RPGRIP1: variants seen among roughly 807,000 people sequenced by gnomAD.
The protein encoded by RPGRIP1 is RPGR interacting protein 1, also known as X-linked retinitis pigmentosa GTPase regulator-interacting protein 1.
RPGRIP1 carries 128 observed loss-of-function variants against 157.9 expected under a neutral mutation model. The ratio of observed to expected loss-of-function variants is 0.81; its 90% CI spans 0.70 to 0.94. The LOEUF (loss-of-function observed/expected upper bound fraction) is 0.94. Among genes scored for constraint, RPGRIP1 ranks in the 40% least tolerant of loss-of-function variants. The pLI is 0.00. For synonymous variants in RPGRIP1, 554 were observed against 571.6 expected, an observed-to-expected ratio of 0.97 and a Z score of 0.44; for missense variants, 1,486 against 1,545.8, an observed-to-expected ratio of 0.96 and a Z score of 0.65.
chr14:21,311,523 G>A (rs1442812783), intron 8 of RPGRIP1, among the ~76,000 whole-genome samples: 1 of 150,976 alleles, frequency 6.6e-6, no homozygotes, highest in Non-Finnish European at 1.5e-5. Context: ...ACTCCAGCCT[G>A]GGCAACAGAG....
chr14:21,337,893 C>A (rs1203121289), intron 21 of RPGRIP1, among the ~76,000 whole-genome samples: 1 of 151,458 alleles, frequency 6.6e-6, no homozygotes, highest in Non-Finnish European at 1.5e-5. Flanking sequence ...GTAGCTGGGA[C>A]TACAGACACA....
rs776822367 is a variant in RPGRIP1 at position 21,301,042 on chromosome 14, GAGACCGCAAGGCGCGGGC to G, written c.299_316del (p.Thr100_Gln105del). On this transcript the variant is annotated inframe_deletion, in exon 4 of 25. Coordinates refer to ENST00000400017, the MANE Select transcript of RPGRIP1 (RefSeq NM_020366.4). ...CGCGGAGGAGGCGGCGCCGCTCTCG[GAGACCGCAAGGCGCGGGC>G]AGAAGGCGGGATGGCGGCAGCGCCT... 1 of 1,612,660 alleles carries G rather than the reference GAGACCGCAAGGCGCGGGC, an allele frequency of 6.2e-7. No homozygotes were observed. Among genetic ancestry groups the G allele is most frequent in the Middle Eastern group, 1.7e-4 (1 of 6,058 alleles).
intron 11 of RPGRIP1, among the ~76,000 whole-genome samples, chr14:21,318,565 T>C (rs549554341): frequency 6.6e-6 from 1 of 152,200 alleles, no homozygotes. Flanking sequence ...AACCTCTGCC[T>C]CCCAGGTTCA....
At chr14:21,306,714 T>A (rs1445228547) in intron 6 of RPGRIP1, among the ~76,000 whole-genome samples, 1 of 142,490 alleles carries the variant, frequency 7.0e-6, no homozygotes, top group African/African-American at 2.6e-5. Context: ...GCCTCAGCCT[T>A]CCAAAGTGCT....
intron 3 of RPGRIP1, among the ~76,000 whole-genome samples, chr14:21,295,892 T>G (rs930717126): frequency 2.0e-5 from 3 of 151,646 alleles, no homozygotes; most frequent in African/African-American, 4.8e-5. Context: ...TCCCTCAGCC[T>G]CCTGAGTAGC....
intron 1 of RPGRIP1, among the ~76,000 whole-genome samples, chr14:21,285,790 A>C (rs1226850996): frequency 2.0e-5 from 3 of 151,890 alleles, no homozygotes; most frequent in Non-Finnish European, 4.4e-5. Flanking sequence ...CTTTAAGTGT[A>C]ATGAAAAGCC....
At chr14:21,345,432 C>T (rs1885465357) in intron 23 of RPGRIP1, among the ~76,000 whole-genome samples, 2 of 150,910 alleles carry the variant, frequency 1.3e-5, no homozygotes, top group Non-Finnish European at 2.9e-5. Context: ...GACAGGGTCT[C>T]ACTCTGTCGT....
intron 15 of RPGRIP1, 38 bp downstream of exon 15, chr14:21,325,108 A>G (rs140744389): frequency 8.1e-5 from 127 of 1,565,390 alleles, no homozygotes; most frequent in African/African-American, 1.8e-4. Flanking sequence ...CTAAGCACCA[A>G]TGCAGAATTT....
chr14:21,283,518 G>T (rs1880203160), intron 1 of RPGRIP1, among the ~76,000 whole-genome samples: 1 of 152,032 alleles, frequency 6.6e-6, no homozygotes. Context: ...AGCCAGGCTG[G>T]TCTCAAACTC....
Position 21,301,047 on chromosome 14 carries a change from C to T in RPGRIP1, c.300C>T (p.Thr100=). Reference sequence around the variant, plus strand: ...AGGAGGCGGCGCCGCTCTCGGAGACCGCAAGGCGCGGGCAGAAGGCGGGAT... The same window carrying T: ...AGGAGGCGGCGCCGCTCTCGGAGACTGCAAGGCGCGGGCAGAAGGCGGGAT... ...VAEEAAPLSE[T]ARRGQKAGWR... is the part of the protein sequence containing the mutation. Residue 100 remains threonine (T), a synonymous_variant, in exon 4 of 25, where the codon ACC becomes ACT. Transcript: ENST00000400017. 1 of 1,612,654 alleles carries T rather than the reference C, an allele frequency of 6.2e-7. No homozygotes were observed.
At chr14:21,325,147 G>T in intron 15 of RPGRIP1, 77 bp downstream of exon 15, 2 of 1,540,220 alleles carry the variant, frequency 1.3e-6, no homozygotes, top group Middle Eastern at 1.8e-4. Flanking sequence ...TTTTCTGGTG[G>T]TTTCTTATTT....
chr14:21,340,906 C>T (rs796322348), intron 21 of RPGRIP1, among the ~76,000 whole-genome samples: 2 of 151,490 alleles, frequency 1.3e-5, no homozygotes, highest in Admixed American at 6.6e-5. Context: ...TAGTGAAACC[C>T]GCTAATCTGA....
intron 1 of RPGRIP1, among the ~76,000 whole-genome samples, chr14:21,281,688 C>CAAAAAAAAAAAA (rs1282350183): frequency 6.3e-5 from 5 of 79,274 alleles, no homozygotes; most frequent in African/African-American, 2.1e-4. Flanking sequence ...GACCTTGTCT[C>CAAAAAAAAAAAA]AAAAAAAAAA....
At chr14:21,346,415 G>A (rs1232330222) in intron 23 of RPGRIP1, among the ~76,000 whole-genome samples, 2 of 152,108 alleles carry the variant, frequency 1.3e-5, no homozygotes, top group Non-Finnish European at 2.9e-5. Context: ...AGCTAGGCAT[G>A]GTGGCACATG....
At chr14:21,297,445 T>C (rs1233290400) in intron 3 of RPGRIP1, among the ~76,000 whole-genome samples, 1 of 152,168 alleles carries the variant, frequency 6.6e-6, no homozygotes, top group African/African-American at 2.4e-5. Context: ...ACAGTGATCT[T>C]AGATTTCTTT....
chr14:21,312,348 C>T lies in RPGRIP1; in HGVS notation c.1078-85C>T, dbSNP rs185939398. The stretch of plus-strand genomic sequence containing the variant: ...ATGGTGATAGAAAGCCTCTCACCCA[C>T]GCCCCTCCCTGCCATGGACAGGGGA... On this transcript the variant is annotated intron_variant, in intron 9 of 24. Transcript: ENST00000400017. 9.5e-5 allele frequency: 82 copies of T among 862,036 alleles called. 1 individual carries two copies. In the Middle Eastern group the frequency reaches 1.8e-3, roughly 19 times the overall value. 53.4% of individuals were successfully genotyped at this position (862,036 alleles called of 1,614,324 possible). A position where few individuals can be genotyped will look rare whatever the true frequency, so the allele number is the denominator to read the frequency against.
intron 3 of RPGRIP1, among the ~76,000 whole-genome samples, chr14:21,295,668 G>T (rs989358256): frequency 6.6e-6 from 1 of 151,592 alleles, no homozygotes; most frequent in South Asian, 2.1e-4. Flanking sequence ...TATAGACGGG[G>T]TTTCTCCATG....
chr14:21,312,604 T>C, intron 10 of RPGRIP1, 98 bp downstream of exon 10: 1 of 669,142 alleles, frequency 1.5e-6, no homozygotes, highest in Non-Finnish European at 2.5e-6. Flanking sequence ...ATGGGGAAAT[T>C]GGTACTCAAT....
intron 7 of RPGRIP1, among the ~76,000 whole-genome samples, chr14:21,309,916 C>T (rs930634456): frequency 2.7e-4 from 34 of 127,826 alleles, no homozygotes; most frequent in Admixed American, 7.9e-4. Flanking sequence ...ATGGTGAAAC[C>T]CCGTCTCTAC....
Sources: gnomAD v4.1 joint callset for allele counts (sites outside exome capture counted in the v4.1 genomes callset) on GRCh38, gnomAD v4.1.1 for gene constraint, MANE v1.5 for transcripts, NCBI Gene and HGNC (gene_info 2026-07-23, HGNC 2026-07-21) for gene names.